Variants in ARAP1 observed in about 807,000 individuals in gnomAD.
The protein encoded by ARAP1 is arf-GAP with Rho-GAP domain, ANK repeat and PH domain-containing protein 1.
ARAP1 carries 76 observed loss-of-function variants against 172.2 expected under a neutral mutation model. That is an observed-to-expected ratio of 0.44 (90% CI 0.37 to 0.53). The LOEUF is 0.53. Ranked by LOEUF, ARAP1 falls within the 20% of genes least tolerant of loss-of-function variation. The pLI is 0.00. For synonymous variants in ARAP1, 804 were observed against 803.3 expected, an observed-to-expected ratio of 1.00 and a Z score of -0.01; for missense variants, 1,686 against 1,977.5, an observed-to-expected ratio of 0.85 and a Z score of 2.80.
At chr11:72,749,865 C>T (rs1297665526) in intron 1 of ARAP1, among the ~76,000 whole-genome samples, 1 of 146,512 alleles carries the variant, frequency 6.8e-6, no homozygotes, top group Admixed American at 6.8e-5. Context: ...AGCAAGACTC[C>T]GTCTCAAAAA....
At chr11:72,714,701 G>A (rs58196942) in intron 3 of ARAP1, among the ~76,000 whole-genome samples, 206 of 152,238 alleles carry the variant, frequency 1.4e-3, no homozygotes, top group African/African-American at 4.7e-3. Context: ...AGGCATTGAC[G>A]GCAAAGAGAA....
intron 1 of ARAP1, among the ~76,000 whole-genome samples, chr11:72,733,520 G>A (rs1172236087): frequency 6.6e-6 from 1 of 152,172 alleles, no homozygotes; most frequent in Non-Finnish European, 1.5e-5. Context: ...CCAGGCAGGA[G>A]GAGAAAGAAT....
At position 72,710,065 on chromosome 11, in the gene ARAP1, C is replaced by T. The variant is rs754754846; in HGVS notation, c.1417-89G>A. 80 of 1,212,980 alleles carry T rather than the reference C, an allele frequency of 6.6e-5. No individual in the cohort carries two copies. The highest frequency in any genetic ancestry group is 8.9e-5 in the Non-Finnish European group (73 of 822,146). 75.1% of individuals were successfully genotyped at this position (1,212,980 alleles called of 1,614,324 possible). A position where few individuals can be genotyped will look rare whatever the true frequency, so the allele number is the denominator to read the frequency against. Reference sequence around the variant, plus strand: ...GGGAGAGGAAGGGAAGGTGGTGCAACTCAGGGACTGGGGGGGGTGCCCAGG... The same window carrying T: ...GGGAGAGGAAGGGAAGGTGGTGCAATTCAGGGACTGGGGGGGGTGCCCAGG... On this transcript the variant is annotated intron_variant, in intron 10 of 34. Coordinates refer to ENST00000393609, the MANE Select transcript of ARAP1 (RefSeq NM_001040118.3). This position sits in a 1 kb window ranked among gnomAD's most constrained non-coding sequence, Gnocchi z 4.3.
chr11:72,734,946 T>C (rs1437974395), intron 1 of ARAP1, among the ~76,000 whole-genome samples: 2 of 152,146 alleles, frequency 1.3e-5, no homozygotes, highest in Non-Finnish European at 2.9e-5. Flanking sequence ...TTAAATTGCA[T>C]TGTGGCTTAC....
Position 72,719,527 on chromosome 11 carries a change from G to T in ARAP1, c.510-5206C>A, listed in dbSNP as rs370538027. 3.9e-5 allele frequency among the ~76,000 whole-genome samples: 6 copies of T among 152,160 alleles called. No homozygotes were observed. In the East Asian group the frequency reaches 9.6e-4, roughly 24 times the overall value. ...CCAGGCTTACTGATAATTCAGTAAA[G>T]GAGGGCCACTTGCACATGGCATCAA... On this transcript the variant is annotated intron_variant, in intron 3 of 34. Transcript: ENST00000393609.
intron 19 of ARAP1, 114 bp downstream of exon 19, chr11:72,697,797 G>T: frequency 7.5e-7 from 1 of 1,326,934 alleles, no homozygotes; most frequent in Non-Finnish European, 1.0e-6. Flanking sequence ...GAGAGGGCAG[G>T]ATGGCGGCTC....
In ARAP1 at chr11:72,689,759, A is replaced by G. The variant is rs575140008; in HGVS notation, c.3988-1222T>C. ...TCTACAGACAGCACCTAACCTGATGATGGCCATGTGCCCAGGAGGGCCTGG... is the reference window on the plus strand; with the variant it reads ...TCTACAGACAGCACCTAACCTGATGGTGGCCATGTGCCCAGGAGGGCCTGG... On this transcript the variant is annotated intron_variant, in intron 30 of 34. Transcript: ENST00000393609. Among the ~76,000 whole-genome samples, 155 of 152,312 alleles carry G rather than the reference A, an allele frequency of 1.0e-3. 1 individual carries two copies. Among genetic ancestry groups the G allele is most frequent in the African/African-American group, 3.4e-3 (142 of 41,566 alleles).
At chr11:72,692,920 G>T in intron 29 of ARAP1, 135 bp from the exon 30 acceptor site, 3 of 1,179,048 alleles carry the variant, frequency 2.5e-6, no homozygotes, top group African/African-American at 1.5e-5. Context: ...ATGGAGTCTG[G>T]GTTGGGAGAA....
intron 1 of ARAP1, among the ~76,000 whole-genome samples, chr11:72,737,825 C>T (rs1258210691): frequency 1.3e-5 from 2 of 152,098 alleles, no homozygotes; most frequent in Admixed American, 6.6e-5. Flanking sequence ...GGTTTTGCCA[C>T]GTTGCCCAGG....
Position 72,693,119 on chromosome 11 carries a change from G to A in ARAP1, c.3954+206C>T. On this transcript the variant is annotated intron_variant, in intron 29 of 34. Transcript: ENST00000393609. The surrounding 1 kb of genome is among the most constrained non-coding windows in gnomAD (Gnocchi z 4.6). ...TGGTGTGATGGCATCCGGGTGCCAGGGCTTAGTGGGGCTACAGGGCACACT... is the reference window on the plus strand; with the variant it reads ...TGGTGTGATGGCATCCGGGTGCCAGAGCTTAGTGGGGCTACAGGGCACACT... 1.3e-6 allele frequency: 1 copy of A among 760,856 alleles called. No homozygotes were observed. Among genetic ancestry groups the A allele is most frequent in the Non-Finnish European group, 2.1e-6 (1 of 481,730 alleles). 47.1% of individuals were successfully genotyped at this position (760,856 alleles called of 1,614,324 possible). A position where few individuals can be genotyped will look rare whatever the true frequency, so the allele number is the denominator to read the frequency against.
Position 72,693,300 on chromosome 11 carries a change from G to C in ARAP1, c.3954+25C>G. 6.2e-7 allele frequency: 1 copy of C among 1,611,238 alleles called. No homozygotes were observed. The highest frequency in any genetic ancestry group is 8.5e-7 in the Non-Finnish European group (1 of 1,178,302). On this transcript the variant is annotated intron_variant, in intron 29 of 34. Transcript: ENST00000393609. This position sits in a 1 kb window ranked among gnomAD's most constrained non-coding sequence, Gnocchi z 4.6. ...TCAGGTGTACAGGTGCCCACCCTGG[G>C]GCAGAACCCAGCGGGGCCACTTACC... is the stretch of plus-strand genomic sequence containing the variant.
chr11:72,751,716 C>T (rs529658897), intron 1 of ARAP1, among the ~76,000 whole-genome samples: 11 of 152,132 alleles, frequency 7.2e-5, no homozygotes, highest in African/African-American at 2.4e-4. Flanking sequence ...CAGATTCCCC[C>T]CCTCCCCGCC....
chr11:72,696,898 A>T, intron 22 of ARAP1, 85 bp downstream of exon 22: 1 of 1,379,412 alleles, frequency 7.2e-7, no homozygotes, highest in Non-Finnish European at 9.9e-7. Flanking sequence ...GGGTAAGCCT[A>T]GTGCAAGTGC....
chr11:72,692,079 C>T (rs889085521), intron 30 of ARAP1, among the ~76,000 whole-genome samples: 1 of 152,130 alleles, frequency 6.6e-6, no homozygotes, highest in African/African-American at 2.4e-5. Context: ...CAGTTGGGGA[C>T]CCCTGCTGCA....
In ARAP1 at chr11:72,725,616, C is replaced by A. The variant is rs534233769; in HGVS notation, c.509+1004G>T. Reference sequence around the variant, plus strand: ...TGGAAAGAATCTCCCAGACCCTCCCCACAAGGCCCCCTGAGTATGTCCTTG... The same window carrying A: ...TGGAAAGAATCTCCCAGACCCTCCCAACAAGGCCCCCTGAGTATGTCCTTG... On this transcript the variant is annotated intron_variant, in intron 3 of 34. Coordinates refer to ENST00000393609, the MANE Select transcript of ARAP1 (RefSeq NM_001040118.3). This position sits in a 1 kb window ranked among gnomAD's most constrained non-coding sequence, Gnocchi z 4.3. Among the ~76,000 whole-genome samples, 1 of 152,166 alleles carries A rather than the reference C, an allele frequency of 6.6e-6. No homozygotes were observed. Among genetic ancestry groups the A allele is most frequent in the South Asian group, 2.1e-4 (1 of 4,814 alleles).
chr11:72,751,560 G>A (rs1858531251), intron 1 of ARAP1, among the ~76,000 whole-genome samples: 1 of 152,124 alleles, frequency 6.6e-6, no homozygotes, highest in Non-Finnish European at 1.5e-5. Context: ...ACCCACCAAA[G>A]AGTCAAATCC....
At chr11:72,714,398 G>C (rs1185817270) in intron 3 of ARAP1, 77 bp from the exon 4 acceptor site, 3 of 1,418,822 alleles carry the variant, frequency 2.1e-6, no homozygotes, top group Admixed American at 4.9e-5. Context: ...CAGCTCACCT[G>C]AACTGCAGCA....
At position 72,697,366 on chromosome 11, in the gene ARAP1, G is replaced by T; in HGVS notation, c.2910C>A (p.Ile970=). The T allele has an allele frequency of 6.2e-7, 1 of 1,605,756 alleles. No homozygotes were observed. Among genetic ancestry groups the T allele is most frequent in the Non-Finnish European group, 8.5e-7 (1 of 1,176,412 alleles). Residue 970 remains isoleucine (I), a synonymous_variant, in exon 21 of 35, where the codon ATC becomes ATA. Coordinates refer to ENST00000393609, the MANE Select transcript of ARAP1 (RefSeq NM_001040118.3). The part of the protein sequence containing the change: ...LSEQQLGDSD[I]PVIVYRCVDY... ...CCACACAGCGGTACACGATCACCGG[G>T]ATATCCGAGTCCCCAAGCTGCTGCT...
At position 72,695,885 on chromosome 11, in the gene ARAP1, G is replaced by T. The variant is rs181489523; in HGVS notation, c.3273-20C>A. On this transcript the variant is annotated intron_variant, in intron 23 of 34. Transcript: ENST00000393609. The surrounding 1 kb of genome is among the most constrained non-coding windows in gnomAD (Gnocchi z 4.4). The stretch of plus-strand genomic sequence containing the variant: ...TGAACACTGGAGAGGGGAGGAGGAG[G>T]GCTTTGAGTGAGGAGTCAGGCCAGA... 6.2e-7 allele frequency: 1 copy of T among 1,601,430 alleles called. No homozygotes were observed.
Sources: allele counts gnomAD v4.1 joint callset (sites outside exome capture counted in the v4.1 genomes callset), GRCh38; gene constraint gnomAD v4.1.1; non-coding constraint Gnocchi (gnomAD v3.1); transcripts MANE v1.5; gene names NCBI Gene and HGNC (gene_info 2026-07-23, HGNC 2026-07-21).